Variants in MINAR1 observed in about 807,000 individuals in gnomAD.
MINAR1 encodes the protein membrane integral NOTCH2 associated receptor 1.
MINAR1 carries 40 observed loss-of-function variants against 65.1 expected under a neutral mutation model. The ratio of observed to expected loss-of-function variants is 0.61; its 90% CI spans 0.48 to 0.80. The LOEUF is 0.80. Among genes scored for constraint, MINAR1 ranks in the 30% least tolerant of loss-of-function variants. The pLI is 0.00. For missense variants in MINAR1, 1,128 were observed against 1,148.0 expected (o/e 0.98, Z 0.25); for synonymous variants, 482 against 449.1 (o/e 1.07, Z -0.93).
Position 79,449,049 on chromosome 15 carries a change from G to A in MINAR1, c.-50-7049G>A, listed in dbSNP as rs76395525. Among the ~76,000 whole-genome samples the A allele has an allele frequency of 9.3e-3, 1,418 of 152,250 alleles. 16 individuals carry two copies. Among genetic ancestry groups the A allele is most frequent in the Middle Eastern group, 0.024 (7 of 294 alleles). ...TGAGAAATGAACAAGGTGCCACAGG[G>A]TAATGGGAAAAAAAATCAGGCATCT... On this transcript the variant is annotated intron_variant, in intron 1 of 3. Coordinates refer to ENST00000305428, the MANE Select transcript of MINAR1 (RefSeq NM_015206.3).
chr15:79,466,860 C>T (rs1488293561), intron 3 of MINAR1, among the ~76,000 whole-genome samples: 1 of 152,210 alleles, frequency 6.6e-6, no homozygotes, highest in African/African-American at 2.4e-5. Flanking sequence ...GGGGCTGTTT[C>T]TGAAACCCAC....
rs1255666003 is a variant in MINAR1, at chr15:79,471,670, C to T, written c.*3286C>T. On this transcript the variant is annotated 3_prime_UTR_variant, in exon 4 of 4. Coordinates refer to ENST00000305428, the MANE Select transcript of MINAR1 (RefSeq NM_015206.3). The stretch of plus-strand genomic sequence containing the variant: ...ATCAAGGCAGTGCTGTTTCTGTTTA[C>T]AAGTTATCAAGATAAGAGCAGTGGC... 2.6e-5 allele frequency: 4 copies of T among 151,492 alleles called. No individual in the cohort carries two copies. Among genetic ancestry groups the T allele is most frequent in the Non-Finnish European group, 4.4e-5 (3 of 67,902 alleles). 9.4% of individuals were successfully genotyped at this position (151,492 alleles called of 1,614,324 possible).
intron 3 of MINAR1, among the ~76,000 whole-genome samples, chr15:79,464,968 C>CATAGGCTGAGAAACATCTTTGCAAA: frequency 6.6e-6 from 1 of 152,178 alleles, no homozygotes; most frequent in South Asian, 2.1e-4. Flanking sequence ...TTAAGTGAGC[C>CATAGGCTGAGAAACATCTTTGCAAA]ATAGGCTGAG....
chr15:79,455,792 TATATC>T lies in MINAR1; in HGVS notation c.-50-302_-50-298del, dbSNP rs571570550. ...TTTCAATGTTTGTAAAAATTCATGT[TATATC>T]ATAACATGTTTATGTATTCTCCTAT... is the stretch of plus-strand genomic sequence containing the variant. On this transcript the variant is annotated intron_variant, in intron 1 of 3. Transcript: ENST00000305428. 2.8e-3 allele frequency among the ~76,000 whole-genome samples: 426 copies of T among 152,356 alleles called. 1 individual carries two copies. The highest frequency in any genetic ancestry group is 5.4e-3 in the African/African-American group (225 of 41,576).
chr15:79,466,682 G>C (rs1895871016), intron 3 of MINAR1, among the ~76,000 whole-genome samples: 1 of 152,216 alleles, frequency 6.6e-6, no homozygotes, highest in Admixed American at 6.5e-5. Flanking sequence ...AGATAATAAA[G>C]CCTGAGGGGT....
At chr15:79,458,587 C>T (rs1895528489) in intron 2 of MINAR1, 142 bp downstream of exon 2, 16 of 1,049,524 alleles carry the variant, frequency 1.5e-5, no homozygotes, top group Non-Finnish European at 2.2e-5. Flanking sequence ...GCAGGGTTTT[C>T]ACATTGGAAT....
intron 1 of MINAR1, among the ~76,000 whole-genome samples, chr15:79,440,530 C>T (rs1045194308): frequency 4.6e-5 from 7 of 152,172 alleles, no homozygotes; most frequent in Non-Finnish European, 8.8e-5. Context: ...TCTTAGAAGC[C>T]ATCATGCCCA....
rs2141317573 is a variant in MINAR1 at position 79,471,528 on chromosome 15, T to G, written c.*3144T>G. The G allele has an allele frequency of 6.6e-6, 1 of 152,648 alleles. No homozygotes were observed. Among genetic ancestry groups the G allele is most frequent in the Middle Eastern group, 3.4e-3 (1 of 294 alleles). 9.5% of individuals were successfully genotyped at this position (152,648 alleles called of 1,614,324 possible). ...TCATCCATTACTAGCTGATCATAAA[T>G]TGTTAGTATTTTAAGGTATGCAACT... On this transcript the variant is annotated 3_prime_UTR_variant, in exon 4 of 4. Coordinates refer to ENST00000305428, the MANE Select transcript of MINAR1 (RefSeq NM_015206.3).
At chr15:79,449,527 G>GCAAAAGGC (rs948106444) in intron 1 of MINAR1, among the ~76,000 whole-genome samples, 8 of 152,284 alleles carry the variant, frequency 5.3e-5, no homozygotes, top group African/African-American at 1.7e-4. Flanking sequence ...GGGCAAAAGG[G>GCAAAAGGC]CAAGCTAGCA....
Position 79,468,393 on chromosome 15 carries a change from T to G in MINAR1, c.*9T>G, listed in dbSNP as rs1895954126. On this transcript the variant is annotated 3_prime_UTR_variant, in exon 4 of 4. Coordinates refer to ENST00000305428, the MANE Select transcript of MINAR1 (RefSeq NM_015206.3). The stretch of plus-strand genomic sequence containing the variant: ...GCACAATGAAATCATGAGCTAAGAA[T>G]GCAACCTTACGTACAGCTTATGACT... 1 of 1,612,934 alleles carries G rather than the reference T, an allele frequency of 6.2e-7. No individual in the cohort carries two copies. The highest frequency in any genetic ancestry group is 8.5e-7 in the Non-Finnish European group (1 of 1,179,438).
chr15:79,436,075 T>C (rs1258745170), intron 1 of MINAR1, among the ~76,000 whole-genome samples: 1 of 152,232 alleles, frequency 6.6e-6, no homozygotes, highest in Non-Finnish European at 1.5e-5. Context: ...CTCCAGAAAG[T>C]GGCTGCTCCT....
intron 1 of MINAR1, among the ~76,000 whole-genome samples, chr15:79,455,210 A>G (rs1285011338): frequency 1.3e-5 from 2 of 152,208 alleles, no homozygotes; most frequent in Non-Finnish European, 2.9e-5. Flanking sequence ...TCAGAAAAAA[A>G]TCCATATTTA....
intron 1 of MINAR1, among the ~76,000 whole-genome samples, chr15:79,451,122 C>CTTGG (rs1895182478): frequency 2.0e-5 from 3 of 152,160 alleles, no homozygotes; most frequent in African/African-American, 7.2e-5. Flanking sequence ...AACCTCATCC[C>CTTGG]TCCGACTTAT....
chr15:79,444,307 C>T (rs1894949688), intron 1 of MINAR1, among the ~76,000 whole-genome samples: 1 of 152,054 alleles, frequency 6.6e-6, no homozygotes, highest in South Asian at 2.1e-4. Flanking sequence ...TAATGTTGTT[C>T]CATTATTTAT....
At chr15:79,463,462 C>A in intron 3 of MINAR1, 141 bp downstream of exon 3, 1 of 952,774 alleles carries the variant, frequency 1.0e-6, no homozygotes, top group Non-Finnish European at 1.6e-6. Flanking sequence ...GAATTCAGAA[C>A]TTTAATAAAT....
chr15:79,450,226 G>A (rs1329068128), intron 1 of MINAR1, among the ~76,000 whole-genome samples: 1 of 152,190 alleles, frequency 6.6e-6, no homozygotes, highest in Non-Finnish European at 1.5e-5. Flanking sequence ...TTAGGCTGGA[G>A]TTCACTGTGG....
At chr15:79,411,437 T>G in the MINAR1 span, 2 of 702,444 alleles carry the variant, frequency 2.8e-6, no homozygotes, top group South Asian at 1.5e-5. Flanking sequence ...GTGGACAAGA[T>G]GGTCGACTAT....
At chr15:79,439,800 A>G (rs1244317368) in intron 1 of MINAR1, among the ~76,000 whole-genome samples, 2 of 151,968 alleles carry the variant, frequency 1.3e-5, no homozygotes, top group Non-Finnish European at 2.9e-5. Context: ...CGGAAAGAAC[A>G]CGGTGATTCT....
chr15:79,467,676 A>T (rs1465235347), intron 3 of MINAR1, among the ~76,000 whole-genome samples: 1 of 152,166 alleles, frequency 6.6e-6, no homozygotes, highest in Non-Finnish European at 1.5e-5. Flanking sequence ...GAAATAGTCT[A>T]TGTTTTGTTT....
Sources: gnomAD v4.1 joint callset for allele counts (sites outside exome capture counted in the v4.1 genomes callset) on GRCh38, gnomAD v4.1.1 for gene constraint, MANE v1.5 for transcripts, NCBI Gene and HGNC (gene_info 2026-07-23, HGNC 2026-07-21) for gene names.